The following JPT1 variants were observed in gnomAD, a reference collection of about 807,000 sequenced individuals.
The protein encoded by JPT1 is Jupiter microtubule associated homolog 1, also known as androgen-regulated protein 2.
Under a neutral mutation model 17.0 loss-of-function variants are expected in JPT1, and 5 were observed. The observed-to-expected ratio is 0.29, with a 90% CI of 0.15 to 0.62. The LOEUF (loss-of-function observed/expected upper bound fraction) is 0.62, where lower values mean the gene tolerates loss of function less well. Ranked by LOEUF, JPT1 falls within the 20% of genes least tolerant of loss-of-function variation. JPT1 has a pLI of 0.85. For synonymous variants in JPT1, 71 were observed against 73.6 expected, an observed-to-expected ratio of 0.96 and a Z score of 0.18; for missense variants, 158 against 188.1, an observed-to-expected ratio of 0.84 and a Z score of 0.94.
chr17:75,142,540 C>T (rs1416575923), intron 4 of JPT1, among the ~76,000 whole-genome samples: 1 of 142,140 alleles, frequency 7.0e-6, no homozygotes, highest in Non-Finnish European at 1.5e-5. Context: ...GCCTGGACAA[C>T]AAGAGCTAAA....
Position 75,154,457 on chromosome 17 carries a change from G to T in JPT1, c.-60C>A. ...AGAACGCTCAAAGGGTCGGACCCGA[G>T]GGGCGCTGGGAAACTCCACACCCAA... On this transcript the variant is annotated 5_prime_UTR_variant, in exon 1 of 5. Transcript: ENST00000409753. 2 of 1,484,942 alleles carry T rather than the reference G, an allele frequency of 1.3e-6. No individual in the cohort carries two copies. The highest frequency in any genetic ancestry group is 1.8e-6 in the Non-Finnish European group (2 of 1,100,904). The allele number at this position is 1,484,942 out of a possible 1,614,324, so 92.0% of individuals were successfully genotyped here.
intron 4 of JPT1, among the ~76,000 whole-genome samples, chr17:75,139,423 GA>G (rs1266683074): frequency 6.6e-6 from 1 of 151,956 alleles, no homozygotes; most frequent in Non-Finnish European, 1.5e-5. Flanking sequence ...ATTATTACTA[GA>G]ACTGTTTTGT....
At position 75,154,350 on chromosome 17, in the gene JPT1, A is replaced by G. The variant is rs2074601567; in HGVS notation, c.48T>C (p.Asn16=). The G allele has an allele frequency of 1.9e-6, 3 of 1,547,210 alleles. No homozygotes were observed. The highest frequency in any genetic ancestry group is 2.8e-5 in the African/African-American group (2 of 72,694). Residue 16 remains asparagine (N), a synonymous_variant, in exon 1 of 5, where the codon AAT becomes AAC. Transcript: ENST00000409753. ...CGACCCGGTCGCCTCACCGGGAGCT[A>G]TTCCTGCTGTTGGGGTCGACTCCCT... ...TFKGVDPNSR[N]SSRVLRPPGG...
rs1320669351 is a variant in JPT1, at chr17:75,142,533, T to C, written c.316+4133A>G. On this transcript the variant is annotated intron_variant, in intron 4 of 4. Coordinates refer to ENST00000409753, the MANE Select transcript of JPT1 (RefSeq NM_016185.4). The stretch of plus-strand genomic sequence containing the variant: ...GTGATCGTGCCACTACACTCCAGCC[T>C]GGACAACAAGAGCTAAACTCCGTCA... Among the ~76,000 whole-genome samples the C allele has an allele frequency of 3.5e-5, 5 of 143,670 alleles. No individual in the cohort carries two copies. The South Asian group carries it at 1.2e-3, about 33-fold the overall frequency. The allele number at this position is 143,670 out of a possible 152,430, so 94.3% of individuals were successfully genotyped here.
rs2074446499 is a variant in JPT1 at position 75,146,814 on chromosome 17, C to T, written c.298-130G>A. 7 of 659,592 alleles carry T rather than the reference C, an allele frequency of 1.1e-5. No homozygotes were observed. In the East Asian group the frequency reaches 1.9e-4, roughly 18 times the overall value. 40.9% of individuals were successfully genotyped at this position (659,592 alleles called of 1,614,324 possible). On this transcript the variant is annotated intron_variant, in intron 3 of 4. Coordinates refer to ENST00000409753, the MANE Select transcript of JPT1 (RefSeq NM_016185.4). ...CATTTCATTGTGTTGCAATCAAGCA[C>T]AGGGTCAGTCTGCTACCTCTATCCA...
chr17:75,136,239 T>C lies in JPT1; in HGVS notation c.328A>G (p.Thr110Ala). Residue 110 changes from threonine (T) to alanine (A), a missense_variant, in exon 5 of 5, where the codon ACA becomes GCA. Thr to Ala is a moderately conservative substitution (Grantham distance 58, BLOSUM62 0). Transcript: ENST00000409753. ...GEGDIHENVD[T>A]DLPGSLGQSE... is the part of the protein sequence containing the mutation. ...TGCCCCAGGCTGCCTGGCAAGTCTG[T>C]GTCCACATTTTCTATGAAAACAGGG... 1.3e-6 allele frequency: 2 copies of C among 1,583,488 alleles called. No individual in the cohort carries two copies. Among genetic ancestry groups the C allele is most frequent in the Non-Finnish European group, 1.7e-6 (2 of 1,162,178 alleles).
chr17:75,149,940 A>G (rs1334889812), intron 1 of JPT1, among the ~76,000 whole-genome samples: 1 of 152,044 alleles, frequency 6.6e-6, no homozygotes, highest in Non-Finnish European at 1.5e-5. Flanking sequence ...AGTCTCTTCT[A>G]TCTCAACCTC....
intron 4 of JPT1, chr17:75,146,378 C>T (rs1449513776): frequency 1.0e-5 from 3 of 298,764 alleles, no homozygotes; most frequent in Non-Finnish European, 1.9e-5. Flanking sequence ...GTCTTGAACT[C>T]CTGGGCTCAA....
Position 75,135,731 on chromosome 17 carries a change from G to A in JPT1, c.*371C>T, listed in dbSNP as rs546525143. ...CTGTGGGTTGGGGCCTGGCAGGAAC[G>A]GTGCCTGTGGACTGTTTATGGTCTG... On this transcript the variant is annotated 3_prime_UTR_variant, in exon 5 of 5. Coordinates refer to ENST00000409753, the MANE Select transcript of JPT1 (RefSeq NM_016185.4). The A allele has an allele frequency of 1.8e-5, 5 of 272,770 alleles. No homozygotes were observed. The highest frequency in any genetic ancestry group is 6.9e-5 in the East Asian group (1 of 14,550). The allele number at this position is 272,770 out of a possible 1,614,324, so 16.9% of individuals were successfully genotyped here.
At chr17:75,144,203 CTGTT>C (rs994402073) in intron 4 of JPT1, among the ~76,000 whole-genome samples, 4 of 152,104 alleles carry the variant, frequency 2.6e-5, no homozygotes, top group Non-Finnish European at 4.4e-5. Context: ...CCTCACTGGG[CTGTT>C]TATTTGTATC....
At chr17:75,149,450 C>T (rs2074503046) in intron 1 of JPT1, among the ~76,000 whole-genome samples, 1 of 152,188 alleles carries the variant, frequency 6.6e-6, no homozygotes, top group Non-Finnish European at 1.5e-5. Context: ...TCACTGCAAG[C>T]TCCACCTCCC....
intron 1 of JPT1, chr17:75,149,192 A>G: frequency 2.2e-6 from 1 of 452,012 alleles, no homozygotes; most frequent in South Asian, 1.7e-5. Context: ...GTCTCTATAA[A>G]AAAAAAATTA....
chr17:75,142,903 A>C (rs1374206750), intron 4 of JPT1: 12 of 394,466 alleles, frequency 3.0e-5, no homozygotes, highest in Admixed American at 2.0e-4. Context: ...CACACACACA[A>C]AATCTGTTTT....
chr17:75,144,361 AAATT>A (rs930243719), intron 4 of JPT1, among the ~76,000 whole-genome samples: 45 of 152,146 alleles, frequency 3.0e-4, no homozygotes, highest in African/African-American at 1.1e-3. Context: ...AAAAGAAAAA[AAATT>A]AGCCAGGCAT....
intron 3 of JPT1, 141 bp downstream of exon 3, chr17:75,147,415 A>C (rs1458660674): frequency 1.7e-6 from 1 of 600,242 alleles, no homozygotes; most frequent in African/African-American, 1.8e-5. Context: ...TTTTACTATC[A>C]ATCTTCCATT....
intron 4 of JPT1, among the ~76,000 whole-genome samples, chr17:75,144,419 G>C (rs771412682): frequency 6.6e-6 from 1 of 152,156 alleles, no homozygotes; most frequent in African/African-American, 2.4e-5. Flanking sequence ...GGCTGAGGCA[G>C]GAGGATTGCT....
rs576480561 is a variant in JPT1 at position 75,136,233 on chromosome 17, A to G, written c.334T>C (p.Leu112=). ...TCACTCTGCCCCAGGCTGCCTGGCA[A>G]GTCTGTGTCCACATTTTCTATGAAA... The part of the protein sequence containing the change: ...GDIHENVDTD[L]PGSLGQSEEK... Residue 112 remains leucine (L), a synonymous_variant, in exon 5 of 5, where the codon TTG becomes CTG. Transcript: ENST00000409753. 152 of 1,593,932 alleles carry G rather than the reference A, an allele frequency of 9.5e-5. No homozygotes were observed. In the South Asian group the frequency reaches 1.0e-3, roughly 11 times the overall value.
chr17:75,137,857 A>G (rs956844051), intron 4 of JPT1, among the ~76,000 whole-genome samples: 13 of 150,018 alleles, frequency 8.7e-5, no homozygotes, highest in Non-Finnish European at 5.9e-5. Flanking sequence ...CATGTTGGCC[A>G]GGCTGGTCTC....
At chr17:75,140,911 G>A (rs1295972832) in intron 4 of JPT1, among the ~76,000 whole-genome samples, 2 of 152,158 alleles carry the variant, frequency 1.3e-5, no homozygotes, top group Non-Finnish European at 2.9e-5. Context: ...GCAAGATGGT[G>A]AAATCCTGTC....
Sources: allele counts gnomAD v4.1 joint callset (sites outside exome capture counted in the v4.1 genomes callset), GRCh38; gene constraint gnomAD v4.1.1; transcripts MANE v1.5; gene names NCBI Gene and HGNC (gene_info 2026-07-23, HGNC 2026-07-21).